Variants in SYN3 observed in about 807,000 individuals in gnomAD.
The protein encoded by SYN3 is synapsin III.
SYN3 carries 35 observed loss-of-function variants against 65.8 expected under a neutral mutation model. That is an observed-to-expected ratio of 0.53 (90% CI 0.41 to 0.70). The LOEUF (loss-of-function observed/expected upper bound fraction) is 0.70, where lower values mean the gene tolerates loss of function less well. Ranked by LOEUF, SYN3 falls within the 30% of genes least tolerant of loss-of-function variation. The pLI is 0.00. For missense variants in SYN3, 680 were observed against 749.0 expected (o/e 0.91, Z 1.08); for synonymous variants, 270 against 292.9 (o/e 0.92, Z 0.80).
intron 6 of SYN3, among the ~76,000 whole-genome samples, chr22:32,604,548 C>G (rs1312388727): frequency 8.7e-6 from 1 of 114,690 alleles, no homozygotes; most frequent in Non-Finnish European, 1.8e-5. Context: ...GATACCCTCC[C>G]TCACACTCTT....
intron 6 of SYN3, among the ~76,000 whole-genome samples, chr22:32,652,275 G>A (rs567329404): frequency 6.6e-5 from 10 of 151,960 alleles, no homozygotes; most frequent in South Asian, 4.2e-4. Context: ...AACAGAACTC[G>A]TATGGGTTCT....
intron 6 of SYN3, among the ~76,000 whole-genome samples, chr22:32,703,636 CT>C (rs1325084774): frequency 7.0e-6 from 1 of 143,232 alleles, no homozygotes; most frequent in Non-Finnish European, 1.5e-5. Context: ...GACTCCATCG[CT>C]TAAAAAAAAA....
At chr22:32,643,278 C>T (rs2059929191) in intron 6 of SYN3, among the ~76,000 whole-genome samples, 2 of 152,076 alleles carry the variant, frequency 1.3e-5, no homozygotes, top group South Asian at 4.1e-4. Context: ...TGGGGTTTCA[C>T]CATGTTGGCC....
At chr22:32,684,912 T>A (rs1215206262) in intron 6 of SYN3, among the ~76,000 whole-genome samples, 3 of 152,184 alleles carry the variant, frequency 2.0e-5, no homozygotes, top group Admixed American at 2.0e-4. Context: ...CCTATCTAAT[T>A]CTCAAGATTG....
intron 3 of SYN3, among the ~76,000 whole-genome samples, chr22:32,933,090 G>A (rs2050677937): frequency 6.6e-6 from 1 of 152,150 alleles, no homozygotes; most frequent in African/African-American, 2.4e-5. Context: ...ATTCTACTGT[G>A]GGTTAGGACT....
chr22:32,581,792 CTTTTTTT>C, intron 7 of SYN3, among the ~76,000 whole-genome samples: 1 of 84,318 alleles, frequency 1.2e-5, no homozygotes, highest in South Asian at 4.7e-4. Flanking sequence ...TTCTTTCTTT[CTTTTTTT>C]TTTTTTTTTT....
At chr22:32,603,253 C>G (rs574435553) in intron 6 of SYN3, among the ~76,000 whole-genome samples, 4 of 151,604 alleles carry the variant, frequency 2.6e-5, no homozygotes, top group African/African-American at 9.7e-5. Context: ...TGGCTCATGC[C>G]TGTAATCCCA....
intron 3 of SYN3, among the ~76,000 whole-genome samples, chr22:32,943,990 A>G (rs1224526098): frequency 2.6e-5 from 4 of 152,194 alleles, no homozygotes; most frequent in South Asian, 2.1e-4. Context: ...ACTCCCACAC[A>G]ATAATAATGG....
At chr22:32,931,849 G>T (rs1453896014) in intron 3 of SYN3, among the ~76,000 whole-genome samples, 1 of 151,876 alleles carries the variant, frequency 6.6e-6, no homozygotes, top group Admixed American at 6.6e-5. Context: ...ATTTTCTCTA[G>T]ATTTTCTCAC....
At chr22:32,642,584 G>C (rs2059917883) in intron 6 of SYN3, among the ~76,000 whole-genome samples, 1 of 151,920 alleles carries the variant, frequency 6.6e-6, no homozygotes, top group South Asian at 2.1e-4. Context: ...TGGGACTACA[G>C]GCGCCCCCAC....
At chr22:32,762,089 C>T (rs893665322) in intron 6 of SYN3, among the ~76,000 whole-genome samples, 1 of 152,186 alleles carries the variant, frequency 6.6e-6, no homozygotes, top group Non-Finnish European at 1.5e-5. Context: ...GAAGACAGAA[C>T]GAGCCAGTAG....
intron 7 of SYN3, among the ~76,000 whole-genome samples, chr22:32,571,656 A>G (rs2058760456): frequency 6.6e-6 from 1 of 152,216 alleles, no homozygotes; most frequent in Admixed American, 6.5e-5. Context: ...AGACTATGAA[A>G]GGTGGCACTG....
intron 6 of SYN3, among the ~76,000 whole-genome samples, chr22:32,616,291 A>C (rs761355693): frequency 6.6e-6 from 1 of 152,166 alleles, no homozygotes; most frequent in Non-Finnish European, 1.5e-5. Flanking sequence ...GCCCAGGACC[A>C]GCCAGGAAAC....
intron 1 of SYN3, among the ~76,000 whole-genome samples, chr22:33,040,778 C>T (rs1285699463): frequency 6.6e-6 from 1 of 152,170 alleles, no homozygotes; most frequent in African/African-American, 2.4e-5. Flanking sequence ...CCCCTGCTTG[C>T]ACTTCTCCTT....
At chr22:32,782,069 T>C (rs1164276789) in intron 6 of SYN3, among the ~76,000 whole-genome samples, 1 of 138,068 alleles carries the variant, frequency 7.2e-6, no homozygotes, top group Non-Finnish European at 1.6e-5. Context: ...TTTCAGGCTC[T>C]GTAATTTTTT....
intron 12 of SYN3, among the ~76,000 whole-genome samples, chr22:32,523,506 C>G (rs1422878640): frequency 6.6e-6 from 1 of 152,114 alleles, no homozygotes; most frequent in Non-Finnish European, 1.5e-5. Flanking sequence ...GAGCTAGACT[C>G]CATCTCAAAA....
chr22:32,589,947 G>GTTTT (rs2059105031), intron 7 of SYN3, among the ~76,000 whole-genome samples: 1 of 151,912 alleles, frequency 6.6e-6, no homozygotes. Context: ...TTTTGTTCTG[G>GTTTT]GTATCATCTT....
chr22:32,736,324 G>C (rs2061336289), intron 6 of SYN3, among the ~76,000 whole-genome samples: 1 of 152,176 alleles, frequency 6.6e-6, no homozygotes, highest in Non-Finnish European at 1.5e-5. Flanking sequence ...GTCTTTGCTA[G>C]AGTTTCATAT....
At chr22:32,897,922 T>C (rs137522) in intron 4 of SYN3, among the ~76,000 whole-genome samples, 138,920 of 152,148 alleles carry the variant, frequency 0.91, 63,477 homozygotes, top group African/African-American at 0.95. Context: ...TGGGCTCAAG[T>C]GATCCTCCCA....
Sources: allele counts gnomAD v4.1 joint callset (sites outside exome capture counted in the v4.1 genomes callset), GRCh38; gene constraint gnomAD v4.1.1; transcripts MANE v1.5; gene names NCBI Gene and HGNC (gene_info 2026-07-23, HGNC 2026-07-21).